PCBP3: variants seen among roughly 807,000 people sequenced by gnomAD.
PCBP3 encodes the protein poly(rC)-binding protein 3.
A neutral mutation model predicts 52.7 loss-of-function variants in PCBP3; 25 were observed. The ratio of observed to expected loss-of-function variants is 0.47; its 90% CI spans 0.35 to 0.66. The LOEUF is 0.66. PCBP3 is among the 30% of genes least tolerant of loss of function. The pLI is 0.01. For synonymous variants in PCBP3, 162 were observed against 183.0 expected (o/e 0.89, Z 0.93); for missense variants, 391 against 490.3 (o/e 0.80, Z 1.91).
chr21:45,655,748 A>G (rs182805066), intron 1 of PCBP3, among the ~76,000 whole-genome samples: 4 of 152,294 alleles, frequency 2.6e-5, no homozygotes, highest in African/African-American at 7.2e-5. Context: ...GAACGTCTTT[A>G]CAATCTATCC....
At chr21:45,793,994 G>T (rs2091779228) in intron 4 of PCBP3, among the ~76,000 whole-genome samples, 1 of 152,182 alleles carries the variant, frequency 6.6e-6, no homozygotes, top group Non-Finnish European at 1.5e-5. Flanking sequence ...AAAGCATCCA[G>T]TGTAACATGT....
intron 2 of PCBP3, among the ~76,000 whole-genome samples, chr21:45,723,647 G>A (rs1305467369): frequency 1.3e-5 from 2 of 152,282 alleles, no homozygotes; most frequent in African/African-American, 4.8e-5. Flanking sequence ...GAAATGAAAA[G>A]TACACATTGT....
At chr21:45,659,819 A>G (rs2080268067) in intron 1 of PCBP3, among the ~76,000 whole-genome samples, 1 of 152,002 alleles carries the variant, frequency 6.6e-6, no homozygotes, top group Non-Finnish European at 1.5e-5. Flanking sequence ...CATATTTTAT[A>G]TTACTTCAAT....
At chr21:45,911,631 A>T (rs774928790) in intron 11 of PCBP3, among the ~76,000 whole-genome samples, 31 of 152,182 alleles carry the variant, frequency 2.0e-4, no homozygotes, top group Non-Finnish European at 3.5e-4. Flanking sequence ...TCAGAAGTAT[A>T]CTCAAAATTC....
intron 4 of PCBP3, chr21:45,760,451 T>C (rs1441082015): frequency 2.0e-5 from 3 of 152,186 alleles, no homozygotes; most frequent in Non-Finnish European, 4.4e-5. Flanking sequence ...TGTGAGTAAA[T>C]TGAACAGGCT....
chr21:45,697,445 T>TA (rs565003173), intron 2 of PCBP3, among the ~76,000 whole-genome samples: 17 of 152,122 alleles, frequency 1.1e-4, no homozygotes, highest in African/African-American at 4.1e-4. Context: ...ACAAACCACT[T>TA]AAAAAATATC....
At chr21:45,797,439 G>A (rs1459191858) in intron 4 of PCBP3, among the ~76,000 whole-genome samples, 8 of 150,790 alleles carry the variant, frequency 5.3e-5, no homozygotes. Context: ...ACGAGTGCAT[G>A]GATCCACAGA....
intron 2 of PCBP3, among the ~76,000 whole-genome samples, chr21:45,718,611 A>G (rs778194032): frequency 3.9e-5 from 6 of 152,062 alleles, no homozygotes; most frequent in East Asian, 1.9e-4. Flanking sequence ...AAATGCCACA[A>G]TGCTCACTGT....
rs2093611169 is a variant in PCBP3 at position 45,837,287 on chromosome 21, C to T, written c.-125-12674C>T. Among the ~76,000 whole-genome samples the T allele has an allele frequency of 1.3e-5, 2 of 152,204 alleles. No individual in the cohort carries two copies. Among genetic ancestry groups the T allele is most frequent in the African/African-American group, 4.8e-5 (2 of 41,458 alleles). On this transcript the variant is annotated intron_variant, in intron 4 of 17. Coordinates refer to ENST00000681687, the MANE Select transcript of PCBP3 (RefSeq NM_001384156.1). The surrounding 1 kb of genome is among the most constrained non-coding windows in gnomAD (Gnocchi z 4.1). ...GCTCTTGTGCTGTGACTTTGATGCA[C>T]CTCCCGCCAGGGAGGGGATCGTGAC...
rs543709206 is a variant in PCBP3, at chr21:45,889,644, G to A, written c.11-6564G>A. On this transcript the variant is annotated intron_variant, in intron 5 of 17. Coordinates refer to ENST00000681687, the MANE Select transcript of PCBP3 (RefSeq NM_001384156.1). ...GGCGGGGAGCTTCAGGCCTGGCTGC[G>A]TCTTTCCCTAGCTTGGGGACCTTTG... is the stretch of plus-strand genomic sequence containing the variant. Among the ~76,000 whole-genome samples, 15 of 152,328 alleles carry A rather than the reference G, an allele frequency of 9.8e-5. No homozygotes were observed. In the East Asian group the frequency reaches 1.2e-3, roughly 12 times the overall value.
chr21:45,940,210 C>T lies in PCBP3; in HGVS notation c.1079+11C>T. 6.2e-7 allele frequency: 1 copy of T among 1,604,514 alleles called. No individual in the cohort carries two copies. The highest frequency in any genetic ancestry group is 8.5e-7 in the Non-Finnish European group (1 of 1,173,378). ...TCTCATCAACGCCAGGTGAGCATCT[C>T]CCAAGGGTCTCTGAGAGACGCCCGG... On this transcript the variant is annotated intron_variant, in intron 17 of 17. Coordinates refer to ENST00000681687, the MANE Select transcript of PCBP3 (RefSeq NM_001384156.1).
intron 3 of PCBP3, chr21:45,749,999 C>G (rs2087274381): frequency 6.6e-6 from 1 of 152,246 alleles, no homozygotes; most frequent in African/African-American, 2.4e-5. Context: ...AGAACAGTCT[C>G]TTTTAATAAG....
At chr21:45,651,542 G>A (rs920213999) in intron 1 of PCBP3, among the ~76,000 whole-genome samples, 1 of 151,958 alleles carries the variant, frequency 6.6e-6, no homozygotes, top group Non-Finnish European at 1.5e-5. Context: ...TAGATCATGA[G>A]CATTTCCTTG....
At position 45,737,646 on chromosome 21, in the gene PCBP3, T is replaced by G. The variant is rs2085985557; in HGVS notation, c.-162+2217T>G. 1.3e-5 allele frequency among the ~76,000 whole-genome samples: 2 copies of G among 152,134 alleles called. No homozygotes were observed. Among genetic ancestry groups the G allele is most frequent in the South Asian group, 4.1e-4 (2 of 4,834 alleles). On this transcript the variant is annotated intron_variant, in intron 3 of 17. Transcript: ENST00000681687. The surrounding 1 kb of genome is among the most constrained non-coding windows in gnomAD (Gnocchi z 4.9). ...CAGGTGGACCCATCGCCTGCCAGCA[T>G]GTGGGTTCTGGAGGCTGCAGCAGGC... is the stretch of plus-strand genomic sequence containing the variant.
intron 5 of PCBP3, among the ~76,000 whole-genome samples, chr21:45,868,041 C>T (rs1035530285): frequency 6.6e-6 from 1 of 152,276 alleles, no homozygotes; most frequent in Non-Finnish European, 1.5e-5. Flanking sequence ...GCACCTCACT[C>T]GGAGGCGCAG....
At chr21:45,803,007 G>A (rs1212363900) in intron 4 of PCBP3, among the ~76,000 whole-genome samples, 1 of 152,224 alleles carries the variant, frequency 6.6e-6, no homozygotes, top group Non-Finnish European at 1.5e-5. Context: ...GCATTGTACA[G>A]TCATAATTTG....
At chr21:45,696,792 GAA>G (rs35862807) in intron 2 of PCBP3, among the ~76,000 whole-genome samples, 3 of 135,668 alleles carry the variant, frequency 2.2e-5, no homozygotes, top group African/African-American at 5.4e-5. Context: ...TCTGTCTCAA[GAA>G]AAAAAAAAAA....
chr21:45,870,556 G>A (rs943017403), intron 5 of PCBP3, among the ~76,000 whole-genome samples: 5 of 152,272 alleles, frequency 3.3e-5, no homozygotes, highest in African/African-American at 7.2e-5. Flanking sequence ...AGCCTTGTGC[G>A]GCCAGACCCG....
At chr21:45,860,146 A>G (rs2094456606) in intron 5 of PCBP3, among the ~76,000 whole-genome samples, 1 of 144,984 alleles carries the variant, frequency 6.9e-6, no homozygotes, top group Admixed American at 6.9e-5. Context: ...GAAAGACCAG[A>G]GCCAGGCCCA....
Sources: gnomAD v4.1 joint callset for allele counts (sites outside exome capture counted in the v4.1 genomes callset) on GRCh38, gnomAD v4.1.1 for gene constraint, Gnocchi (gnomAD v3.1) non-coding constraint, MANE v1.5 for transcripts, NCBI Gene and HGNC (gene_info 2026-07-23, HGNC 2026-07-21) for gene names.